SGCD: variants seen among roughly 807,000 people sequenced by gnomAD.
SGCD encodes the protein delta-sarcoglycan.
A neutral mutation model predicts 36.6 loss-of-function variants in SGCD; 18 were observed. The ratio of observed to expected loss-of-function variants is 0.49; its 90% CI spans 0.34 to 0.73. The LOEUF (loss-of-function observed/expected upper bound fraction) is 0.73. Among genes scored for constraint, SGCD ranks in the 30% least tolerant of loss-of-function variants. The pLI is 0.01. For synonymous variants in SGCD, 133 were observed against 130.6 expected (o/e 1.02, Z -0.12); for missense variants, 387 against 346.7 (o/e 1.12, Z -0.92).
chr5:156,722,510 G>A (rs146329746), intron 7 of SGCD, among the ~76,000 whole-genome samples: 220 of 152,284 alleles, frequency 1.4e-3, no homozygotes, highest in African/African-American at 5.0e-3. Flanking sequence ...TGTGTATCCT[G>A]GGCTACAGGT....
At chr5:156,698,435 T>C (rs748433848) in intron 7 of SGCD, among the ~76,000 whole-genome samples, 1 of 152,224 alleles carries the variant, frequency 6.6e-6, no homozygotes, top group Non-Finnish European at 1.5e-5. Flanking sequence ...CAAGCCCAGC[T>C]TTAAAATATT....
At chr5:156,296,318 C>T (rs1317228642) in intron 3 of SGCD, among the ~76,000 whole-genome samples, 1 of 152,120 alleles carries the variant, frequency 6.6e-6, no homozygotes, top group Non-Finnish European at 1.5e-5. Flanking sequence ...GAGACGGTGT[C>T]AAAGGTGACC....
chr5:156,458,296 T>G, intron 3 of SGCD: 1 of 785,602 alleles, frequency 1.3e-6, no homozygotes, highest in South Asian at 1.7e-5. Context: ...AAAATGGGGT[T>G]TTGGAAATTC....
At chr5:155,780,899 C>T in the SGCD span, among the ~76,000 whole-genome samples, 4 of 152,256 alleles carry the variant, frequency 2.6e-5, no homozygotes, top group South Asian at 8.3e-4. Flanking sequence ...ATGTCTCTCA[C>T]ACTTTGTACA....
chr5:156,200,752 G>T (rs1764127861), intron 3 of SGCD, among the ~76,000 whole-genome samples: 1 of 152,092 alleles, frequency 6.6e-6, no homozygotes, highest in African/African-American at 2.4e-5. Flanking sequence ...ATATCGCAAA[G>T]AATTCAAAGC....
intron 6 of SGCD, among the ~76,000 whole-genome samples, chr5:156,618,745 A>G (rs1762117391): frequency 6.6e-6 from 1 of 152,128 alleles, no homozygotes; most frequent in Non-Finnish European, 1.5e-5. Context: ...CTGATGCAGA[A>G]GGAAAAGGCA....
At chr5:156,085,482 A>G (rs1176091338) in intron 1 of SGCD, among the ~76,000 whole-genome samples, 1 of 152,180 alleles carries the variant, frequency 6.6e-6, no homozygotes, top group African/African-American at 2.4e-5. Context: ...GCTGTGAGTA[A>G]AAGCTCCCTG....
intron 3 of SGCD, among the ~76,000 whole-genome samples, chr5:156,468,820 C>G (rs1044600650): frequency 6.6e-6 from 1 of 151,988 alleles, no homozygotes; most frequent in Non-Finnish European, 1.5e-5. Flanking sequence ...GGTGAAACCC[C>G]GCCTCTACTA....
At chr5:156,563,573 A>T (rs780209538) in intron 4 of SGCD, among the ~76,000 whole-genome samples, 1 of 152,160 alleles carries the variant, frequency 6.6e-6, no homozygotes, top group Non-Finnish European at 1.5e-5. Flanking sequence ...CTTACTGTAC[A>T]CCCTCAAGTT....
intron 3 of SGCD, among the ~76,000 whole-genome samples, chr5:156,134,809 C>T (rs1236762353): frequency 1.3e-5 from 2 of 152,102 alleles, no homozygotes; most frequent in Admixed American, 1.3e-4. Flanking sequence ...CAAACCTGCA[C>T]ATTGTGCACA....
At chr5:156,685,920 G>A (rs1292610789) in intron 7 of SGCD, among the ~76,000 whole-genome samples, 1 of 152,168 alleles carries the variant, frequency 6.6e-6, no homozygotes, top group African/African-American at 2.4e-5. Flanking sequence ...TTTCCTGAGG[G>A]TGGAGGGTGG....
rs188430960 is a variant in SGCD at position 155,933,457 on chromosome 5, T to C, written c.-282+63033T>C. Among the ~76,000 whole-genome samples, 3 of 152,362 alleles carry C rather than the reference T, an allele frequency of 2.0e-5. No individual in the cohort carries two copies. The East Asian group carries it at 5.8e-4, about 29-fold the overall frequency. On this transcript the variant is annotated intron_variant, in intron 1 of 9. Coordinates refer to the SGCD transcript ENST00000517913. ...GTGGAGATAACTCCACAAGCATACA[T>C]AGAGTATCTTGTCTTTCTTCACCAT...
the SGCD span, among the ~76,000 whole-genome samples, chr5:155,747,430 A>G: frequency 1.3e-5 from 2 of 152,210 alleles, no homozygotes; most frequent in Non-Finnish European, 2.9e-5. Flanking sequence ...ACTCATACAA[A>G]GCTGTCATTG....
At chr5:156,629,979 A>G (rs1762574148) in intron 6 of SGCD, among the ~76,000 whole-genome samples, 1 of 148,312 alleles carries the variant, frequency 6.7e-6, no homozygotes, top group Admixed American at 6.9e-5. Flanking sequence ...GTCCTGCCTC[A>G]GCCTCCTCAG....
At chr5:156,179,326 A>G (rs1404947848) in intron 3 of SGCD, among the ~76,000 whole-genome samples, 1 of 152,172 alleles carries the variant, frequency 6.6e-6, no homozygotes, top group Non-Finnish European at 1.5e-5. Flanking sequence ...GCAATTTTTC[A>G]TGGCTATATA....
intron 3 of SGCD, among the ~76,000 whole-genome samples, chr5:156,311,513 A>G (rs985428422): frequency 3.9e-5 from 6 of 152,186 alleles, no homozygotes; most frequent in Non-Finnish European, 8.8e-5. Flanking sequence ...GTCTTATACA[A>G]TCATAGAATA....
At chr5:156,413,358 G>C (rs1326706044) in intron 3 of SGCD, among the ~76,000 whole-genome samples, 1 of 152,200 alleles carries the variant, frequency 6.6e-6, no homozygotes, top group African/African-American at 2.4e-5. Context: ...CAACTTAGCT[G>C]TTACATAGGG....
At chr5:156,369,451 C>CTAA (rs1452945696) in intron 3 of SGCD, among the ~76,000 whole-genome samples, 2 of 152,162 alleles carry the variant, frequency 1.3e-5, no homozygotes, top group East Asian at 3.8e-4. Flanking sequence ...GGGTTATAGA[C>CTAA]TAATAGTTGG....
At chr5:156,757,896 C>A in intron 8 of SGCD, 192 bp downstream of exon 8, 1 of 1,316,524 alleles carries the variant, frequency 7.6e-7, no homozygotes, top group Admixed American at 3.6e-5. Context: ...GTGATGATTT[C>A]TTATTTGTAA....
Sources: allele counts gnomAD v4.1 joint callset (sites outside exome capture counted in the v4.1 genomes callset), GRCh38; gene constraint gnomAD v4.1.1; transcripts MANE v1.5; gene names NCBI Gene and HGNC (gene_info 2026-07-23, HGNC 2026-07-21).